Variants in PRMT8 observed in about 807,000 individuals in gnomAD.
PRMT8 encodes protein arginine methyltransferase 8, also known as protein arginine N-methyltransferase 8.
Under a neutral mutation model 47.1 loss-of-function variants are expected in PRMT8, and 7 were observed. The ratio of observed to expected loss-of-function variants is 0.15; its 90% confidence interval spans 0.08 to 0.28. The LOEUF (loss-of-function observed/expected upper bound fraction) is 0.28, where lower values mean the gene tolerates loss of function less well. Among genes scored for constraint, PRMT8 ranks in the 10% least tolerant of loss-of-function variants. The pLI is 1.00. For synonymous variants in PRMT8, 188 were observed against 186.5 expected, an observed-to-expected ratio of 1.01 and a Z score of -0.07; for missense variants, 237 against 505.4, an observed-to-expected ratio of 0.47 and a Z score of 5.09.
chr12:3,509,601 T>A (rs919865826), intron 1 of PRMT8, among the ~76,000 whole-genome samples: 3 of 152,238 alleles, frequency 2.0e-5, no homozygotes, highest in Non-Finnish European at 4.4e-5. Flanking sequence ...CAATGAACTA[T>A]CATTGGCCAC....
At chr12:3,475,974 T>A (rs1260782736) in intron 1 of PRMT8, among the ~76,000 whole-genome samples, 1 of 152,240 alleles carries the variant, frequency 6.6e-6, no homozygotes, top group African/African-American at 2.4e-5. Flanking sequence ...GCCTTTCTTA[T>A]AATTTGCTAA....
intron 1 of PRMT8, among the ~76,000 whole-genome samples, chr12:3,507,667 A>G (rs1362659170): frequency 6.6e-6 from 1 of 152,112 alleles, no homozygotes; most frequent in Non-Finnish European, 1.5e-5. Flanking sequence ...ATAGTAGAAA[A>G]TTGACGACTA....
At chr12:3,435,416 A>G (rs1864727801) in intron 1 of PRMT8, among the ~76,000 whole-genome samples, 1 of 152,154 alleles carries the variant, frequency 6.6e-6, no homozygotes, top group Non-Finnish European at 1.5e-5. Flanking sequence ...CTCAAGGGAA[A>G]GGGGAAGAGG....
At chr12:3,559,623 T>C (rs1303652342) in intron 4 of PRMT8, among the ~76,000 whole-genome samples, 2 of 152,230 alleles carry the variant, frequency 1.3e-5, no homozygotes, top group Admixed American at 1.3e-4. Flanking sequence ...CAGACTCTTA[T>C]TATTGGTAAT....
At chr12:3,419,363 T>C (rs2137060052) in intron 1 of PRMT8, among the ~76,000 whole-genome samples, 1 of 152,330 alleles carries the variant, frequency 6.6e-6, no homozygotes, top group South Asian at 2.1e-4. Context: ...GGGAGTGATC[T>C]ATTGACCAAG....
At position 3,386,936 on chromosome 12, in the gene PRMT8, C is replaced by T. The variant is rs569404003; in HGVS notation, c.48+5494C>T. ...TGTTGGTCAGGCTGGTCTCGAACTC[C>T]TGACCTCATGATCCGCCCACCTTGG... is the stretch of plus-strand genomic sequence containing the variant. On this transcript the variant is annotated intron_variant, in intron 1 of 9. Transcript: ENST00000452611. Among the ~76,000 whole-genome samples, 16 of 151,898 alleles carry T rather than the reference C, an allele frequency of 1.1e-4. No individual in the cohort carries two copies. The South Asian group carries it at 3.3e-3, about 32-fold the overall frequency.
At chr12:3,423,091 G>A (rs1864561092) in intron 1 of PRMT8, among the ~76,000 whole-genome samples, 1 of 152,126 alleles carries the variant, frequency 6.6e-6, no homozygotes, top group African/African-American at 2.4e-5. Context: ...CTAGCGCTGG[G>A]AACCATTTTT....
intron 8 of PRMT8, among the ~76,000 whole-genome samples, chr12:3,590,632 TA>T (rs34781623): frequency 0.27 from 35,490 of 130,674 alleles, 4,286 homozygotes; most frequent in Middle Eastern, 0.45. Context: ...TCCTTAGTCC[TA>T]AAAAAAAAAA....
chr12:3,479,417 C>G (rs1865250641), intron 1 of PRMT8, among the ~76,000 whole-genome samples: 1 of 152,186 alleles, frequency 6.6e-6, no homozygotes, highest in South Asian at 2.1e-4. Context: ...AAAAAAGCCC[C>G]ATGGACTTGG....
At chr12:3,544,225 T>C (rs1667432567) in intron 2 of PRMT8, among the ~76,000 whole-genome samples, 1 of 152,338 alleles carries the variant, frequency 6.6e-6, no homozygotes, top group Admixed American at 6.5e-5. Flanking sequence ...CTTTGGGCTC[T>C]TCTCCCAGGA....
At position 3,493,128 on chromosome 12, in the gene PRMT8, G is replaced by A. The variant is rs780090000; in HGVS notation, c.75+1428G>A. Among the ~76,000 whole-genome samples the A allele has an allele frequency of 1.3e-5, 2 of 152,156 alleles. No homozygotes were observed. The highest frequency in any genetic ancestry group is 4.8e-5 in the African/African-American group (2 of 41,430). ...CAATTTCAAAACAAACACGCTCCGG[G>A]ACTTGAACGCAGCGGGGCATTCAGT... On this transcript the variant is annotated intron_variant, in intron 1 of 9. Coordinates refer to ENST00000382622, the MANE Select transcript of PRMT8 (RefSeq NM_019854.5). This position sits in a 1 kb window ranked among gnomAD's most constrained non-coding sequence, Gnocchi z 8.2.
At chr12:3,562,406 A>C (rs1866652375) in intron 4 of PRMT8, among the ~76,000 whole-genome samples, 1 of 152,024 alleles carries the variant, frequency 6.6e-6, no homozygotes. Context: ...TGACTAGCAC[A>C]GACAACATCT....
At position 3,509,129 on chromosome 12, in the gene PRMT8, G is replaced by A. The variant is rs544558830; in HGVS notation, c.75+17429G>A. Among the ~76,000 whole-genome samples the A allele has an allele frequency of 4.6e-5, 7 of 152,210 alleles. No homozygotes were observed. In the South Asian group the frequency reaches 1.5e-3, roughly 32 times the overall value. Reference sequence around the variant, plus strand: ...TATTCTAGAATAGAAACCTGATTATGCTTCTCCCTTCCTTAAACCCCATCA... The same window carrying A: ...TATTCTAGAATAGAAACCTGATTATACTTCTCCCTTCCTTAAACCCCATCA... On this transcript the variant is annotated intron_variant, in intron 1 of 9. Coordinates refer to ENST00000382622, the MANE Select transcript of PRMT8 (RefSeq NM_019854.5).
intron 4 of PRMT8, among the ~76,000 whole-genome samples, chr12:3,568,166 A>G (rs1866762589): frequency 6.6e-6 from 1 of 152,212 alleles, no homozygotes; most frequent in Non-Finnish European, 1.5e-5. Flanking sequence ...ATTGTTAAGA[A>G]AATCCTAAGG....
chr12:3,399,026 T>G (rs1303935095), intron 1 of PRMT8, among the ~76,000 whole-genome samples: 1 of 152,204 alleles, frequency 6.6e-6, no homozygotes, highest in African/African-American at 2.4e-5. Flanking sequence ...GGTGTCTACT[T>G]TCCTGCCTTG....
chr12:3,559,993 G>A (rs1260362831), intron 4 of PRMT8, among the ~76,000 whole-genome samples: 3 of 152,154 alleles, frequency 2.0e-5, no homozygotes, highest in Non-Finnish European at 2.9e-5. Context: ...AGCTGCCCTC[G>A]TGCCCATTCC....
At chr12:3,531,417 A>G (rs1461583431) in intron 1 of PRMT8, among the ~76,000 whole-genome samples, 1 of 152,242 alleles carries the variant, frequency 6.6e-6, no homozygotes, top group Admixed American at 6.5e-5. Flanking sequence ...ATCTGAGGAT[A>G]TAAGAAGCGA....
chr12:3,428,316 C>T (rs11835162), intron 1 of PRMT8, among the ~76,000 whole-genome samples: 4,414 of 151,954 alleles, frequency 0.029, 220 homozygotes, highest in African/African-American at 0.1. Flanking sequence ...CCTTTTGTCC[C>T]CGCTTTTTTT....
chr12:3,589,835 T>C (rs1387814198), intron 8 of PRMT8, among the ~76,000 whole-genome samples: 1 of 152,206 alleles, frequency 6.6e-6, no homozygotes, highest in African/African-American at 2.4e-5. Context: ...TCTGGGGGTC[T>C]CATAAGGCAT....
Sources: gnomAD v4.1 joint callset for allele counts (sites outside exome capture counted in the v4.1 genomes callset) on GRCh38, gnomAD v4.1.1 for gene constraint, Gnocchi (gnomAD v3.1) non-coding constraint, MANE v1.5 for transcripts, NCBI Gene and HGNC (gene_info 2026-07-23, HGNC 2026-07-21) for gene names.